Variants in STK36 observed in about 807,000 individuals in gnomAD.
STK36 encodes serine/threonine-protein kinase 36.
STK36 carries 116 observed loss-of-function variants against 142.2 expected under a neutral mutation model. The ratio of observed to expected loss-of-function variants is 0.82; its 90% CI spans 0.70 to 0.95. STK36 has a LOEUF of 0.95. STK36 is among the 40% of genes least tolerant of loss of function. The probability of loss-of-function intolerance (pLI) is 0.00; values close to 1 mark genes in which losing one functional copy is unlikely to be tolerated. For synonymous variants in STK36, 619 were observed against 641.7 expected (o/e 0.96, Z 0.53); for missense variants, 1,422 against 1,617.2 (o/e 0.88, Z 2.07).
chr2:218,694,891 A>G lies in STK36; in HGVS notation c.2511+256A>G, dbSNP rs1240936555. 6.6e-6 allele frequency among the ~76,000 whole-genome samples: 1 copy of G among 152,170 alleles called. No individual in the cohort carries two copies. The highest frequency in any genetic ancestry group is 1.5e-5 in the Non-Finnish European group (1 of 68,032). On this transcript the variant is annotated intron_variant, in intron 21 of 26. Transcript: ENST00000295709. This position sits in a 1 kb window ranked among gnomAD's most constrained non-coding sequence, Gnocchi z 4.4. ...GGGAGGGAAGGGAAGAGGAAGGGTG[A>G]CTAACCTGAGTTTTCTGAGTAGTGT...
intron 15 of STK36, 74 bp from the exon 16 acceptor site, chr2:218,692,509 T>A: frequency 6.5e-7 from 1 of 1,536,248 alleles, no homozygotes; most frequent in Non-Finnish European, 8.7e-7. Context: ...TGCTGCCATG[T>A]CGGTGAGTAC....
At chr2:218,673,400 G>C (rs553623244) in intron 2 of STK36, 125 of 560,572 alleles carry the variant, frequency 2.2e-4, no homozygotes, top group East Asian at 3.1e-5. Flanking sequence ...TCTTCCAGAA[G>C]GGGAAATGTT....
At chr2:218,691,757 C>T (rs574629052) in intron 14 of STK36, among the ~76,000 whole-genome samples, 151 of 152,090 alleles carry the variant, frequency 9.9e-4, no homozygotes, top group Non-Finnish European at 1.7e-3. Flanking sequence ...AGGGTTTTGC[C>T]ATGTTGCCCA....
Position 218,702,061 on chromosome 2 carries a change from T to G in STK36, c.*52T>G. 1 of 1,605,104 alleles carries G rather than the reference T, an allele frequency of 6.2e-7. No individual in the cohort carries two copies. Among genetic ancestry groups the G allele is most frequent in the Non-Finnish European group, 8.5e-7 (1 of 1,175,528 alleles). On this transcript the variant is annotated 3_prime_UTR_variant, in exon 27 of 27. Coordinates refer to ENST00000295709, the MANE Select transcript of STK36 (RefSeq NM_015690.5). ...AACTTTGGTTGCCAGCTCTTTCTTA[T>G]TCTACTACACAAGCCGCCAACTCAA...
chr2:218,675,599 AC>A, intron 5 of STK36, 126 bp downstream of exon 5: 1 of 1,164,244 alleles, frequency 8.6e-7, no homozygotes, highest in Non-Finnish European at 1.2e-6. Flanking sequence ...ATCTCCACTC[AC>A]CACAACCTCT....
At chr2:218,695,242 T>C (rs1480324880) in intron 21 of STK36, among the ~76,000 whole-genome samples, 1 of 145,534 alleles carries the variant, frequency 6.9e-6, no homozygotes, top group African/African-American at 2.7e-5. Flanking sequence ...TTTTTTTTTT[T>C]TTTGAGATGG....
intron 10 of STK36, among the ~76,000 whole-genome samples, chr2:218,681,513 C>T (rs1940521290): frequency 6.6e-6 from 1 of 152,152 alleles, no homozygotes. Flanking sequence ...GAGAATACCA[C>T]AAATAATTCC....
chr2:218,701,784 A>C, intron 26 of STK36, 82 bp from the exon 27 acceptor site: 1 of 1,513,610 alleles, frequency 6.6e-7, no homozygotes, highest in Admixed American at 2.0e-5. Flanking sequence ...TCCTGGGTAA[A>C]TGAGAGTCCT....
rs762477576 is a variant in STK36, at chr2:218,679,876, C to T, written c.949-17C>T. The T allele has an allele frequency of 1.1e-5, 18 of 1,610,418 alleles. No individual in the cohort carries two copies. In the East Asian group the frequency reaches 3.6e-4, roughly 32 times the overall value. On this transcript the variant is annotated splice_polypyrimidine_tract_variant and intron_variant, in intron 8 of 26. Transcript: ENST00000295709. ...ATCAAATAGCTCTGATTCAGTGTTG[C>T]CCCCTACCTCCCACAGAAACATCAG...
At chr2:218,689,011 T>A in intron 12 of STK36, 135 bp downstream of exon 12, 2 of 938,614 alleles carry the variant, frequency 2.1e-6, no homozygotes, top group Non-Finnish European at 3.0e-6. Flanking sequence ...AGTAGACTAT[T>A]AATTGCAAAC....
intron 13 of STK36, among the ~76,000 whole-genome samples, chr2:218,690,234 G>A (rs1165726329): frequency 6.6e-6 from 1 of 151,318 alleles, no homozygotes; most frequent in Non-Finnish European, 1.5e-5. Flanking sequence ...TTGGATTAAA[G>A]AAAGAAAGAA....
chr2:218,694,785 C>T lies in STK36; in HGVS notation c.2511+150C>T, dbSNP rs1005100767. 44 of 675,688 alleles carry T rather than the reference C, an allele frequency of 6.5e-5. No individual in the cohort carries two copies. Among genetic ancestry groups the T allele is most frequent in the African/African-American group, 7.2e-5 (4 of 55,232 alleles). The allele number at this position is 675,688 out of a possible 1,614,324, so 41.9% of individuals were successfully genotyped here. ...GGAGCCCTTCCTTTTCTAGATTTGTCGCCGGATGATAGGCCCCTCTGAGCC... is the reference window on the plus strand; with the variant it reads ...GGAGCCCTTCCTTTTCTAGATTTGTTGCCGGATGATAGGCCCCTCTGAGCC... On this transcript the variant is annotated intron_variant, in intron 21 of 26. Coordinates refer to ENST00000295709, the MANE Select transcript of STK36 (RefSeq NM_015690.5). This position sits in a 1 kb window ranked among gnomAD's most constrained non-coding sequence, Gnocchi z 4.4.
rs1286822145 is a variant in STK36 at position 218,699,060 on chromosome 2, C to G, written c.3516C>G (p.Ala1172=). The G allele has an allele frequency of 6.2e-7, 1 of 1,613,968 alleles. No individual in the cohort carries two copies. The highest frequency in any genetic ancestry group is 1.3e-5 in the African/African-American group (1 of 74,918). The change falls in exon 26 of 27, where the codon GCC becomes GCG. Residue 1172 remains alanine, a synonymous_variant. Coordinates refer to ENST00000295709, the MANE Select transcript of STK36 (RefSeq NM_015690.5). The stretch of plus-strand genomic sequence containing the variant: ...AGGATCCTGTTGTGCGGTGCAGTGC[C>G]AGCTTTGCTGTGGGCAATGCAGCCT... The part of the protein sequence containing the change: ...GDKDPVVRCS[A]SFAVGNAAYQ...
intron 16 of STK36, 37 bp from the exon 17 acceptor site, chr2:218,693,203 T>C (rs1941081838): frequency 1.9e-6 from 3 of 1,565,542 alleles, no homozygotes; most frequent in Non-Finnish European, 2.6e-6. Flanking sequence ...GTTGTAATCA[T>C]GTGGATAGGA....
intron 13 of STK36, 38 bp downstream of exon 13, chr2:218,689,994 G>C (rs1215065638): frequency 6.5e-7 from 1 of 1,543,128 alleles, no homozygotes; most frequent in East Asian, 2.4e-5. Context: ...TGGCAAGTTT[G>C]GCTTCTGTTT....
chr2:218,681,004 T>C (rs1940492912), intron 10 of STK36, among the ~76,000 whole-genome samples: 1 of 152,216 alleles, frequency 6.6e-6, no homozygotes, highest in Admixed American at 6.6e-5. Context: ...TAAGCAAACA[T>C]AGGCATTTAT....
In STK36 at chr2:218,693,952, C is replaced by T. The variant is rs751367051; in HGVS notation, c.2305C>T (p.Leu769Phe). Reference sequence around the variant, plus strand: ...AGTGACACTCTACTTCCTCTCCCTTCTTGTCTTTCGGCTCCAAAACCTGCC... The same window carrying T: ...AGTGACACTCTACTTCCTCTCCCTTTTTGTCTTTCGGCTCCAAAACCTGCC... Reference protein sequence around the residue: ...TEVTLYFLSLLVFRLQNLPCG... With the variant: ...TEVTLYFLSLFVFRLQNLPCG... Residue 769 changes from leucine to phenylalanine, a missense_variant, in exon 19 of 27, where the codon CTT becomes TTT. By Grantham distance (22) the Leu-to-Phe change is conservative. This residue lies in a region of STK36 where 962 missense variants were observed against 1,167.5 expected (regional missense o/e 0.82). Coordinates refer to ENST00000295709, the MANE Select transcript of STK36 (RefSeq NM_015690.5). The T allele has an allele frequency of 3.7e-6, 6 of 1,614,236 alleles. No individual in the cohort carries two copies. The highest frequency in any genetic ancestry group is 5.1e-6 in the Non-Finnish European group (6 of 1,180,034).
intron 4 of STK36, 70 bp downstream of exon 4, chr2:218,674,026 C>T (rs1467228825): frequency 1.4e-6 from 2 of 1,442,694 alleles, no homozygotes; most frequent in Admixed American, 1.9e-5. Flanking sequence ...GTAGAGCAAG[C>T]TAAGGACACT....
At chr2:218,689,026 A>T in intron 12 of STK36, 150 bp downstream of exon 12, 1 of 810,420 alleles carries the variant, frequency 1.2e-6, no homozygotes, top group South Asian at 2.0e-5. Context: ...GCAAACTCTA[A>T]TGCCTTCTGG....
Sources: allele counts gnomAD v4.1 joint callset (sites outside exome capture counted in the v4.1 genomes callset), GRCh38; gene constraint gnomAD v4.1.1; regional missense constraint gnomAD v4.1.1; non-coding constraint Gnocchi (gnomAD v3.1); transcripts MANE v1.5; gene names NCBI Gene and HGNC (gene_info 2026-07-23, HGNC 2026-07-21).